DTHD1: variants seen among roughly 807,000 people sequenced by gnomAD.
DTHD1 encodes the protein death domain containing 1, also known as death domain-containing protein 1.
A neutral mutation model predicts 74.8 loss-of-function variants in DTHD1; 59 were observed. The ratio of observed to expected loss-of-function variants is 0.79; its 90% confidence interval spans 0.64 to 0.98. The LOEUF is 0.98. Ranked by LOEUF, DTHD1 falls within the 50% of genes least tolerant of loss-of-function variation. The pLI is 0.00. For missense variants in DTHD1, 1,051 were observed against 1,065.4 expected (o/e 0.99, Z 0.19); for synonymous variants, 365 against 371.1 (o/e 0.98, Z 0.19).
At position 36,310,547 on chromosome 4, in the gene DTHD1, A is replaced by G. The variant is rs1267342869; in HGVS notation, c.2095+2054A>G. Among the ~76,000 whole-genome samples, 3 of 152,310 alleles carry G rather than the reference A, an allele frequency of 2.0e-5. No individual in the cohort carries two copies. The East Asian group carries it at 5.8e-4, about 29-fold the overall frequency. ...AGATTTCTGTTCCAGGAGGCTTTCT[A>G]CATACTTTACTTGAGGGGATGTGCT... On this transcript the variant is annotated intron_variant, in intron 7 of 9. Coordinates refer to ENST00000639862, the MANE Select transcript of DTHD1 (RefSeq NM_001170700.3).
chr4:36,290,846 A>G (rs145086033), intron 3 of DTHD1, 143 bp downstream of exon 3: 10 of 692,562 alleles, frequency 1.4e-5, no homozygotes, highest in Non-Finnish European at 1.9e-5. Flanking sequence ...GTGCGTTCAC[A>G]GTTTATTGCC....
Position 36,308,510 on chromosome 4 carries a change from CT to C in DTHD1, c.2095+22del. The C allele has an allele frequency of 6.6e-7, 1 of 1,526,074 alleles. No individual in the cohort carries two copies. Among genetic ancestry groups the C allele is most frequent in the Non-Finnish European group, 8.8e-7 (1 of 1,133,594 alleles). The allele number at this position is 1,526,074 out of a possible 1,614,324, so 94.5% of individuals were successfully genotyped here. On this transcript the variant is annotated intron_variant, in intron 7 of 9. Transcript: ENST00000639862. ...TTGCTTCAAGTAAGTATAAAGAAAT[CT>C]TTTTATATATTTTATTGGCTATAAG...
At chr4:36,286,811 G>A (rs1755741919) in intron 2 of DTHD1, among the ~76,000 whole-genome samples, 1 of 152,154 alleles carries the variant, frequency 6.6e-6, no homozygotes, top group African/African-American at 2.4e-5. Flanking sequence ...ACAATGCTAA[G>A]TATTTGTGTA....
At chr4:36,287,102 A>G (rs1478541480) in intron 2 of DTHD1, among the ~76,000 whole-genome samples, 4 of 152,102 alleles carry the variant, frequency 2.6e-5, no homozygotes, top group African/African-American at 9.7e-5. Flanking sequence ...ACTGTACCCA[A>G]TGTGTAGTCT....
chr4:36,287,252 C>A (rs1489048695), intron 2 of DTHD1, among the ~76,000 whole-genome samples: 1 of 152,192 alleles, frequency 6.6e-6, no homozygotes, highest in Non-Finnish European at 1.5e-5. Context: ...TCCTGAGTAA[C>A]TTCAGTTAGA....
intron 2 of DTHD1, among the ~76,000 whole-genome samples, chr4:36,285,648 A>AAT (rs1755658103): frequency 6.6e-6 from 1 of 151,418 alleles, no homozygotes. Context: ...AGAAGTGAAA[A>AAT]AAAAAAATAT....
At chr4:36,303,690 T>C (rs1227406058) in intron 5 of DTHD1, among the ~76,000 whole-genome samples, 1 of 152,228 alleles carries the variant, frequency 6.6e-6, no homozygotes, top group African/African-American at 2.4e-5. Context: ...CATCACTGAA[T>C]GGATCACTGG....
At position 36,345,023 on chromosome 4, in the gene DTHD1, G is replaced by T. The variant is rs1759518504; in HGVS notation, c.*1199G>T. On this transcript the variant is annotated 3_prime_UTR_variant, in exon 10 of 10. Coordinates refer to ENST00000639862, the MANE Select transcript of DTHD1 (RefSeq NM_001170700.3). Reference sequence around the variant, plus strand: ...TCCTTTATAAAAATATAACTTGGAAGAGGGAAAATTCCATATTTTGTTATT... The same window carrying T: ...TCCTTTATAAAAATATAACTTGGAATAGGGAAAATTCCATATTTTGTTATT... 6.6e-6 allele frequency: 1 copy of T among 152,188 alleles called. No homozygotes were observed. Among genetic ancestry groups the T allele is most frequent in the Non-Finnish European group, 1.5e-5 (1 of 68,032 alleles). The allele number at this position is 152,188 out of a possible 1,614,324, so 9.4% of individuals were successfully genotyped here. A position where few individuals can be genotyped will look rare whatever the true frequency, so the allele number is the denominator to read the frequency against.
At chr4:36,286,012 T>C (rs1233039687) in intron 2 of DTHD1, among the ~76,000 whole-genome samples, 1 of 152,196 alleles carries the variant, frequency 6.6e-6, no homozygotes, top group Non-Finnish European at 1.5e-5. Context: ...AGGACTATGA[T>C]CTTAGGCAAG....
intron 3 of DTHD1, among the ~76,000 whole-genome samples, 183 bp downstream of exon 3, chr4:36,290,886 T>C (rs1241483171): frequency 6.6e-6 from 1 of 152,212 alleles, no homozygotes; most frequent in East Asian, 1.9e-4. Flanking sequence ...TGGAAATGAT[T>C]AGCCAAAGTT....
chr4:36,288,582 A>G (rs962352437), intron 2 of DTHD1, among the ~76,000 whole-genome samples: 13 of 152,124 alleles, frequency 8.5e-5, no homozygotes, highest in African/African-American at 2.9e-4. Context: ...CTCAGTTTAT[A>G]TTTTTGTAAG....
intron 8 of DTHD1, among the ~76,000 whole-genome samples, chr4:36,319,889 G>A (rs1213280079): frequency 6.6e-6 from 1 of 152,164 alleles, no homozygotes; most frequent in Non-Finnish European, 1.5e-5. Flanking sequence ...TTACCTATGT[G>A]CCTGAGTAAT....
chr4:36,307,556 A>G (rs2109496994), intron 6 of DTHD1, among the ~76,000 whole-genome samples: 1 of 152,346 alleles, frequency 6.6e-6, no homozygotes, highest in South Asian at 2.1e-4. Flanking sequence ...GTACTTCAAC[A>G]TATGAATGTG....
At chr4:36,298,463 AT>A (rs556204354) in intron 5 of DTHD1, among the ~76,000 whole-genome samples, 206 of 152,182 alleles carry the variant, frequency 1.4e-3, no homozygotes, top group African/African-American at 4.9e-3. Flanking sequence ...TAGTAGGTGC[AT>A]TTTTTTCCAT....
intron 5 of DTHD1, among the ~76,000 whole-genome samples, chr4:36,298,771 C>T (rs537260186): frequency 4.6e-5 from 7 of 151,984 alleles, no homozygotes; most frequent in Admixed American, 1.3e-4. Context: ...TAAAGAGGAA[C>T]AATACTTTAT....
At position 36,300,200 on chromosome 4, in the gene DTHD1, G is replaced by A. The variant is rs555421336; in HGVS notation, c.1643+5161G>A. ...AACTTTTGCTTGCAAGCATGCAGACGTGGGGTTTCTTCAGGCATAATGGAG... is the reference window on the plus strand; with the variant it reads ...AACTTTTGCTTGCAAGCATGCAGACATGGGGTTTCTTCAGGCATAATGGAG... On this transcript the variant is annotated intron_variant, in intron 5 of 9. Coordinates refer to ENST00000639862, the MANE Select transcript of DTHD1 (RefSeq NM_001170700.3). 5.3e-5 allele frequency among the ~76,000 whole-genome samples: 8 copies of A among 152,282 alleles called. No homozygotes were observed. The South Asian group carries it at 8.3e-4, about 16-fold the overall frequency.
Position 36,308,471 on chromosome 4 carries a change from T to A in DTHD1, c.2073T>A (p.Phe691Leu). The change falls in exon 7 of 10, where the codon TTT becomes TTA. Residue 691 changes from phenylalanine (F) to leucine (L), a missense_variant. By Grantham distance (22) the Phe-to-Leu change is conservative. Transcript: ENST00000639862. The stretch of plus-strand genomic sequence containing the variant: ...AAGGAGAACAACTTCTTTTAAGATT[T>A]ACTGGAAACATATTTGCTTCAAGTA... Reference protein sequence around the residue: ...VREGEQLLLRFTGNIFASSNG... With the variant: ...VREGEQLLLRLTGNIFASSNG... The A allele has an allele frequency of 6.4e-7, 1 of 1,551,178 alleles. No individual in the cohort carries two copies. The highest frequency in any genetic ancestry group is 8.7e-7 in the Non-Finnish European group (1 of 1,146,620).
At position 36,289,468 on chromosome 4, in the gene DTHD1, C is replaced by A. The variant is rs1755923852; in HGVS notation, c.888-905C>A. ...CTTTCACATTAAAGATAGATGGAGCCAATTATCTGGTCTAAAACTTACCAT... is the reference window on the plus strand; with the variant it reads ...CTTTCACATTAAAGATAGATGGAGCAAATTATCTGGTCTAAAACTTACCAT... On this transcript the variant is annotated intron_variant, in intron 2 of 9. Transcript: ENST00000639862. Among the ~76,000 whole-genome samples the A allele has an allele frequency of 2.0e-5, 3 of 151,904 alleles. No individual in the cohort carries two copies. In the South Asian group the frequency reaches 6.2e-4, roughly 31 times the overall value.
intron 9 of DTHD1, among the ~76,000 whole-genome samples, chr4:36,342,537 C>T (rs1759371619): frequency 6.6e-6 from 1 of 152,062 alleles, no homozygotes; most frequent in Admixed American, 6.6e-5. Context: ...ACATCAGTAA[C>T]AACCATAACA....
Sources: gnomAD v4.1 joint callset for allele counts (sites outside exome capture counted in the v4.1 genomes callset) on GRCh38, gnomAD v4.1.1 for gene constraint, MANE v1.5 for transcripts, NCBI Gene and HGNC (gene_info 2026-07-23, HGNC 2026-07-21) for gene names.